The following TTC38 variants were observed in gnomAD, a reference collection of about 807,000 sequenced individuals.
TTC38 encodes tetratricopeptide repeat protein 38.
In TTC38, 64 loss-of-function variants were observed where a neutral mutation model predicts 64.2. The ratio of observed to expected loss-of-function variants is 1.00; its 90% CI spans 0.81 to 1.23. The LOEUF (loss-of-function observed/expected upper bound fraction) is 1.23, where lower values mean the gene tolerates loss of function less well. TTC38 is among the 50% of genes most tolerant of loss of function. The pLI is 0.00. For synonymous variants in TTC38, 254 were observed against 249.3 expected (o/e 1.02, Z -0.18); for missense variants, 573 against 615.5 (o/e 0.93, Z 0.73).
In TTC38 at chr22:46,273,990, A is replaced by G. The variant is rs200860216; in HGVS notation, c.286A>G (p.Met96Val). The change falls in exon 4 of 14, where the codon ATG becomes GTG. Residue 96 changes from methionine to valine, a missense_variant. Physicochemically the swap from Met to Val is conservative, Grantham distance 21. Coordinates refer to ENST00000381031, the MANE Select transcript of TTC38 (RefSeq NM_017931.4). The surrounding 1 kb of genome is among the most constrained non-coding windows in gnomAD (Gnocchi z 5.1). ...DKELDLAVKT[M>V]VEISRTQPLT... ...AGAGCTGGACCTGGCTGTGAAGACA[A>G]TGGTGGAGATTTCAAGAACCCAGCC... The G allele has an allele frequency of 1.9e-4, 306 of 1,614,236 alleles. No homozygotes were observed. The African/African-American group carries it at 3.1e-3, about 16-fold the overall frequency.
intron 2 of TTC38, chr22:46,269,009 C>T (rs1936830204): frequency 8.5e-6 from 3 of 351,374 alleles, no homozygotes; most frequent in African/African-American, 2.2e-5. Flanking sequence ...TTTTAAATTG[C>T]GCCATGACCT....
At position 46,289,859 on chromosome 22, in the gene TTC38, G is replaced by A. The variant is rs768296788; in HGVS notation, c.1276G>A (p.Ala426Thr). ...CTTCAACCAGCTGCTGATTCACGCG[G>A]CCTTAAACTGCACCTCCAGCGTCCA... is the stretch of plus-strand genomic sequence containing the variant. The part of the protein sequence containing the change: ...DVFNQLLIHA[A>T]LNCTSSVHKN... Residue 426 changes from alanine (A) to threonine (T), a missense_variant, in exon 13 of 14, where the codon GCC (alanine) becomes ACC (threonine). By Grantham distance (58) the Ala-to-Thr change is moderately conservative. Transcript: ENST00000381031. 3.7e-6 allele frequency: 6 copies of A among 1,614,198 alleles called. No homozygotes were observed. In the South Asian group the frequency reaches 5.5e-5, roughly 15 times the overall value.
rs929728132 is a variant in TTC38 at position 46,275,931 on chromosome 22, C to T, written c.539+510C>T. ...TTGGCCAGAACTGATCACATGACCT[C>T]ACCCACCCACAAGAGACCAGGAAGT... is the stretch of plus-strand genomic sequence containing the variant. On this transcript the variant is annotated intron_variant, in intron 5 of 13. Transcript: ENST00000381031. This position sits in a 1 kb window ranked among gnomAD's most constrained non-coding sequence, Gnocchi z 4.5. Among the ~76,000 whole-genome samples the T allele has an allele frequency of 6.6e-6, 1 of 152,088 alleles. No individual in the cohort carries two copies. The highest frequency in any genetic ancestry group is 1.9e-4 in the East Asian group (1 of 5,202).
intron 11 of TTC38, 148 bp downstream of exon 11, chr22:46,288,736 ACC>A: frequency 1.3e-6 from 1 of 751,226 alleles, no homozygotes; most frequent in East Asian, 2.7e-5. Flanking sequence ...CCAGGTGTGC[ACC>A]CCTATAGATG....
intron 5 of TTC38, among the ~76,000 whole-genome samples, chr22:46,277,038 TATATAC>T (rs147462441): frequency 0.11 from 11,252 of 101,498 alleles, 544 homozygotes; most frequent in Middle Eastern, 0.14. Flanking sequence ...ACAATACATA[TATATAC>T]ATACACACAC....
chr22:46,277,040 TATAC>T lies in TTC38; in HGVS notation c.540-1540_540-1537del, dbSNP rs1293320686. Among the ~76,000 whole-genome samples the T allele has an allele frequency of 1.6e-3, 123 of 75,598 alleles. 1 individual carries two copies. Among genetic ancestry groups the T allele is most frequent in the African/African-American group, 6.5e-3 (120 of 18,406 alleles). 49.6% of individuals were successfully genotyped at this position (75,598 alleles called of 152,430 possible). A position where few individuals can be genotyped will look rare whatever the true frequency, so the allele number is the denominator to read the frequency against. ...ATGACCCCAGTAAACAATACATATA[TATAC>T]ATACACACACACACACACACACACA... On this transcript the variant is annotated intron_variant, in intron 5 of 13. Coordinates refer to ENST00000381031, the MANE Select transcript of TTC38 (RefSeq NM_017931.4).
In TTC38 at chr22:46,292,469, G is replaced by C. The variant is rs1667530873; in HGVS notation, c.1317-322G>C. On this transcript the variant is annotated intron_variant, in intron 13 of 13. Transcript: ENST00000381031. The surrounding 1 kb of genome is among the most constrained non-coding windows in gnomAD (Gnocchi z 6.5). ...ATTTGGGCTTCAACATATACATTTA[G>C]CCTGGACACAGACATTCAGTCCACA... 2.6e-6 allele frequency: 1 copy of C among 382,396 alleles called. No individual in the cohort carries two copies. The highest frequency in any genetic ancestry group is 3.7e-5 in the Admixed American group (1 of 27,246). The allele number at this position is 382,396 out of a possible 1,614,324, so 23.7% of individuals were successfully genotyped here.
Position 46,292,853 on chromosome 22 carries a change from G to GC in TTC38, c.1380dup (p.Lys461GlnfsTer36), listed in dbSNP as rs775568942. ...TCGCCCCTGACCGAGCGGCTCATCC[G>GC]CAAGGCAGCTACCGTCCACCTCATG... On this transcript the variant is annotated frameshift_variant, in exon 14 of 14. Transcript: ENST00000381031. LOFTEE classifies it high-confidence loss of function. The surrounding 1 kb of genome is among the most constrained non-coding windows in gnomAD (Gnocchi z 6.5). The GC allele has an allele frequency of 8.1e-6, 13 of 1,613,736 alleles. No individual in the cohort carries two copies. The highest frequency in any genetic ancestry group is 9.3e-6 in the Non-Finnish European group (11 of 1,179,854).
intron 2 of TTC38, chr22:46,268,792 C>A (rs999557074): frequency 1.9e-6 from 1 of 529,930 alleles, no homozygotes; most frequent in East Asian, 3.4e-5. Flanking sequence ...TCACGCCATT[C>A]TCGTCCCTCA....
rs1011142383 is a variant in TTC38 at position 46,281,022 on chromosome 22, A to G, written c.616-577A>G. On this transcript the variant is annotated intron_variant, in intron 6 of 13. Coordinates refer to ENST00000381031, the MANE Select transcript of TTC38 (RefSeq NM_017931.4). This position sits in a 1 kb window ranked among gnomAD's most constrained non-coding sequence, Gnocchi z 5.2. Reference sequence around the variant, plus strand: ...TGCCTCGCTGGTCGCTGTCAAGCTCACAGGTCATGGGAGCGGCTGTTGTCA... The same window carrying G: ...TGCCTCGCTGGTCGCTGTCAAGCTCGCAGGTCATGGGAGCGGCTGTTGTCA... Among the ~76,000 whole-genome samples, 1 of 152,196 alleles carries G rather than the reference A, an allele frequency of 6.6e-6. No homozygotes were observed. Among genetic ancestry groups the G allele is most frequent in the Non-Finnish European group, 1.5e-5 (1 of 68,038 alleles).
At chr22:46,279,859 G>A (rs1443309243) in intron 6 of TTC38, among the ~76,000 whole-genome samples, 1 of 152,158 alleles carries the variant, frequency 6.6e-6, no homozygotes, top group Non-Finnish European at 1.5e-5. Context: ...TCCTGTGGGT[G>A]GCATCCATCT....
chr22:46,277,038 T>C lies in TTC38; in HGVS notation c.540-1548T>C, dbSNP rs1296140454. ...AAATGACCCCAGTAAACAATACATA[T>C]ATATACATACACACACACACACACA... On this transcript the variant is annotated intron_variant, in intron 5 of 13. Coordinates refer to ENST00000381031, the MANE Select transcript of TTC38 (RefSeq NM_017931.4). Among the ~76,000 whole-genome samples, 481 of 101,498 alleles carry C rather than the reference T, an allele frequency of 4.7e-3. 4 individuals are homozygous for C. The highest frequency in any genetic ancestry group is 0.019 in the African/African-American group (433 of 23,252). The allele number at this position is 101,498 out of a possible 152,430, so 66.6% of individuals were successfully genotyped here. A position where few individuals can be genotyped will look rare whatever the true frequency, so the allele number is the denominator to read the frequency against.
chr22:46,283,851 CAAAAAAAAAAAAAA>C (rs58477670), intron 7 of TTC38, 108 bp from the exon 8 acceptor site: 6 of 210,768 alleles, frequency 2.8e-5, no homozygotes, highest in African/African-American at 5.7e-5. Context: ...GACTTAGTCT[CAAAAAAAAAAAAAA>C]AAAAAAAAAA....
Position 46,281,615 on chromosome 22 carries a change from C to G in TTC38, c.632C>G (p.Pro211Arg), listed in dbSNP as rs766399816. 1 of 1,614,108 alleles carries G rather than the reference C, an allele frequency of 6.2e-7. No individual in the cohort carries two copies. The highest frequency in any genetic ancestry group is 8.5e-7 in the Non-Finnish European group (1 of 1,180,022). ...CCTGCGTAGGCTTTATCTATTAACC[C>G]GACAGACGCATGGTCGGTGCACACC... Reference protein sequence around the residue: ...KLAKEALSINPTDAWSVHTVA... With the variant: ...KLAKEALSINRTDAWSVHTVA... Residue 211 changes from proline to arginine, a missense_variant, in exon 7 of 14, where the codon CCG (proline) becomes CGG (arginine). By Grantham distance (103) the Pro-to-Arg change is moderately radical. Around this residue, in one of 3 missense-constraint regions of TTC38, gnomAD observed 371 missense variants for 381.8 expected, o/e 0.97. Transcript: ENST00000381031. The surrounding 1 kb of genome is among the most constrained non-coding windows in gnomAD (Gnocchi z 5.2).
intron 6 of TTC38, chr22:46,280,133 G>A: frequency 2.1e-6 from 1 of 471,222 alleles, no homozygotes; most frequent in Non-Finnish European, 4.4e-6. Context: ...AAAGCAGGCT[G>A]TGATGGGGCC....
chr22:46,280,528 G>A (rs1362528122), intron 6 of TTC38, among the ~76,000 whole-genome samples: 1 of 152,204 alleles, frequency 6.6e-6, no homozygotes, highest in African/African-American at 2.4e-5. Context: ...GTCCCGTCTC[G>A]GGGCCCCACG....
intron 5 of TTC38, 55 bp from the exon 6 acceptor site, chr22:46,278,531 C>T: frequency 1.1e-5 from 17 of 1,480,064 alleles, no homozygotes; most frequent in Non-Finnish European, 1.6e-5. Flanking sequence ...GGACACAGTT[C>T]AACCTGCTAC....
At position 46,270,047 on chromosome 22, in the gene TTC38, C is replaced by T. The variant is rs1400977976; in HGVS notation, c.111+1456C>T. ...GACCTTGTGATTCCCCTGCCTTGGC[C>T]TCTCAAAGTGCTGGGATTACAGGCG... is the stretch of plus-strand genomic sequence containing the variant. On this transcript the variant is annotated intron_variant, in intron 2 of 13. Coordinates refer to ENST00000381031, the MANE Select transcript of TTC38 (RefSeq NM_017931.4). This position sits in a 1 kb window ranked among gnomAD's most constrained non-coding sequence, Gnocchi z 4.7. Among the ~76,000 whole-genome samples, 4 of 152,176 alleles carry T rather than the reference C, an allele frequency of 2.6e-5. No homozygotes were observed. The highest frequency in any genetic ancestry group is 5.9e-5 in the Non-Finnish European group (4 of 68,024).
In TTC38 at chr22:46,284,167, C is replaced by T; in HGVS notation, c.795+135C>T. 2 of 724,476 alleles carry T rather than the reference C, an allele frequency of 2.8e-6. 1 individual carries two copies. The highest frequency in any genetic ancestry group is 4.6e-6 in the Non-Finnish European group (2 of 433,920). 44.9% of individuals were successfully genotyped at this position (724,476 alleles called of 1,614,324 possible). On this transcript the variant is annotated intron_variant, in intron 8 of 13. Coordinates refer to ENST00000381031, the MANE Select transcript of TTC38 (RefSeq NM_017931.4). ...GGAGCATTAACATTTCCAAAGAGCA[C>T]TCTAGGCTTCAACCTTTTTAGGGAT...
Sources: allele counts gnomAD v4.1 joint callset (sites outside exome capture counted in the v4.1 genomes callset), GRCh38; gene constraint gnomAD v4.1.1; regional missense constraint gnomAD v4.1.1; non-coding constraint Gnocchi (gnomAD v3.1); transcripts MANE v1.5; gene names NCBI Gene and HGNC (gene_info 2026-07-23, HGNC 2026-07-21).